The following KLHL23 variants were observed in gnomAD, a reference collection of about 807,000 sequenced individuals.
KLHL23 encodes the protein kelch like family member 23.
KLHL23 carries 33 observed loss-of-function variants against 48.9 expected under a neutral mutation model. The ratio of observed to expected loss-of-function variants is 0.67; its 90% CI spans 0.51 to 0.90. The LOEUF (loss-of-function observed/expected upper bound fraction) is 0.90, where lower values mean the gene tolerates loss of function less well. KLHL23 is among the 40% of genes least tolerant of loss of function. The probability of loss-of-function intolerance (pLI) is 0.00; values close to 1 mark genes in which losing one functional copy is unlikely to be tolerated. For missense variants in KLHL23, 608 were observed against 669.6 expected, an observed-to-expected ratio of 0.91 and a Z score of 1.02; for synonymous variants, 234 against 231.6, an observed-to-expected ratio of 1.01 and a Z score of -0.09.
Position 169,750,043 on chromosome 2 carries a change from A to ACGC in KLHL23, c.*311_*312insCGC, listed in dbSNP as rs11444477. ...TGTATGTATACATATGTGTATATAT[A>ACGC]GTATGTATGTATACATGTATGTGTA... On this transcript the variant is annotated 3_prime_UTR_variant, in exon 4 of 4. Coordinates refer to ENST00000392647, the MANE Select transcript of KLHL23 (RefSeq NM_144711.6). 16 of 21,368 alleles carry ACGC rather than the reference A, an allele frequency of 7.5e-4. 1 individual carries two copies. Among genetic ancestry groups the ACGC allele is most frequent in the Non-Finnish European group, 1.3e-3 (12 of 9,278 alleles). 1.3% of individuals were successfully genotyped at this position (21,368 alleles called of 1,614,324 possible). A position where few individuals can be genotyped will look rare whatever the true frequency, so the allele number is the denominator to read the frequency against.
chr2:169,736,481 T>G (rs1688520758), intron 2 of KLHL23, among the ~76,000 whole-genome samples: 1 of 152,220 alleles, frequency 6.6e-6, no homozygotes, highest in African/African-American at 2.4e-5. Context: ...TTTTTTCATG[T>G]TCTTAAAATT....
At chr2:169,740,594 G>A (rs891795337) in intron 2 of KLHL23, among the ~76,000 whole-genome samples, 7 of 150,184 alleles carry the variant, frequency 4.7e-5, no homozygotes, top group South Asian at 2.1e-4. Context: ...GACTACAGGC[G>A]CCCACCACCA....
chr2:169,749,067 A>G (rs959176746), intron 3 of KLHL23, among the ~76,000 whole-genome samples: 4 of 152,176 alleles, frequency 2.6e-5, no homozygotes, highest in Admixed American at 6.5e-5. Context: ...GTATCTTTCT[A>G]TAAGGATTCT....
Position 169,750,655 on chromosome 2 carries a change from C to CTG in KLHL23, c.*924_*925insGT, listed in dbSNP as rs1224541667. ...TTTATTGTTACTCTCTATTTACTGA[C>CTG]TACCAGAGATATACAAAATACTGTG... On this transcript the variant is annotated 3_prime_UTR_variant, in exon 4 of 4. Coordinates refer to ENST00000392647, the MANE Select transcript of KLHL23 (RefSeq NM_144711.6). 2 of 152,122 alleles carry CTG rather than the reference C, an allele frequency of 1.3e-5. No individual in the cohort carries two copies. Among genetic ancestry groups the CTG allele is most frequent in the Non-Finnish European group, 2.9e-5 (2 of 68,026 alleles). The allele number at this position is 152,122 out of a possible 1,614,324, so 9.4% of individuals were successfully genotyped here. A position where few individuals can be genotyped will look rare whatever the true frequency, so the allele number is the denominator to read the frequency against.
rs1353187110 is a variant in KLHL23, at chr2:169,734,951, GTTGA to G, written c.-2-59_-2-56del. On this transcript the variant is annotated intron_variant, in intron 1 of 3. Transcript: ENST00000392647. Reference sequence around the variant, plus strand: ...TCCGATGATAGTCAAGTTATTTAGCGTTGATTATTTGAGAGAATGTGCAACATTG... The same window carrying G: ...TCCGATGATAGTCAAGTTATTTAGCGTTATTTGAGAGAATGTGCAACATTG... The G allele has an allele frequency of 7.7e-5, 115 of 1,495,144 alleles. No homozygotes were observed. The African/African-American group carries it at 1.5e-3, about 19-fold the overall frequency. The allele number at this position is 1,495,144 out of a possible 1,614,324, so 92.6% of individuals were successfully genotyped here. A position where few individuals can be genotyped will look rare whatever the true frequency, so the allele number is the denominator to read the frequency against.
chr2:169,741,367 A>G lies in KLHL23; in HGVS notation c.1214-18A>G. The G allele has an allele frequency of 6.3e-7, 1 of 1,590,010 alleles. No individual in the cohort carries two copies. Among genetic ancestry groups the G allele is most frequent in the Non-Finnish European group, 8.6e-7 (1 of 1,165,444 alleles). ...AACAAAAGATCAATCTAAAGATGTG[A>G]TTTTAATTAATACGTAGGTGTGGGA... On this transcript the variant is annotated intron_variant, in intron 2 of 3. Coordinates refer to ENST00000392647, the MANE Select transcript of KLHL23 (RefSeq NM_144711.6).
intron 2 of KLHL23, among the ~76,000 whole-genome samples, 153 bp downstream of exon 2, chr2:169,736,380 G>T (rs1187634551): frequency 6.6e-6 from 1 of 152,188 alleles, no homozygotes; most frequent in African/African-American, 2.4e-5. Context: ...GATAAAAACA[G>T]TATAGCATAG....
chr2:169,740,782 ATATATATAT>A (rs1688659373), intron 2 of KLHL23, among the ~76,000 whole-genome samples: 1 of 118,326 alleles, frequency 8.5e-6, no homozygotes, highest in South Asian at 2.3e-4. Context: ...ATATATATAT[ATATATATAT>A]AACTTATTTA....
rs1023460978 is a variant in KLHL23 at position 169,735,037 on chromosome 2, ATTATAT to A, written c.28_33del (p.Ile10_Tyr11del). Reference sequence around the variant, plus strand: ...GCCATGGCTCTAAAAGGACAAGAAGATTATATTTATCTTTTCAAGGATTCAACACAT... The same window carrying A: ...GCCATGGCTCTAAAAGGACAAGAAGATTATCTTTTCAAGGATTCAACACAT... On this transcript the variant is annotated inframe_deletion, in exon 2 of 4. Coordinates refer to ENST00000392647, the MANE Select transcript of KLHL23 (RefSeq NM_144711.6). The surrounding 1 kb of genome is among the most constrained non-coding windows in gnomAD (Gnocchi z 4.5). The A allele has an allele frequency of 1.8e-5, 28 of 1,563,226 alleles. 1 individual carries two copies. The highest frequency in any genetic ancestry group is 2.1e-5 in the Admixed American group (1 of 47,744).
rs1410446361 is a variant in KLHL23 at position 169,735,592 on chromosome 2, G to A, written c.578G>A (p.Ser193Asn). Residue 193 changes from serine (S) to asparagine (N), a missense_variant, in exon 2 of 4, where the codon AGT becomes AAT. Transcript: ENST00000392647. The surrounding 1 kb of genome is among the most constrained non-coding windows in gnomAD (Gnocchi z 4.5). ...TTTATCTTGTCCAGAAAGAATCTCA[G>A]TGTTTGGAAAGAAGAAGCTATCATA... Reference protein sequence around the residue: ...FLFILSRKNLSVWKEEAIIEP... With the variant: ...FLFILSRKNLNVWKEEAIIEP... 1.2e-6 allele frequency: 2 copies of A among 1,613,814 alleles called. No individual in the cohort carries two copies. The highest frequency in any genetic ancestry group is 2.7e-5 in the African/African-American group (2 of 74,932).
At chr2:169,749,347 C>T (rs1206382083) in intron 3 of KLHL23, 75 bp from the exon 4 acceptor site, 13 of 1,402,398 alleles carry the variant, frequency 9.3e-6, no homozygotes, top group East Asian at 2.5e-5. Context: ...AGGATTATTA[C>T]ATTACCACAC....
rs148623021 is a variant in KLHL23, at chr2:169,736,223, T to G, written c.1209T>G (p.Ile403Met). The G allele has an allele frequency of 6.2e-7, 1 of 1,603,014 alleles. No individual in the cohort carries two copies. Among genetic ancestry groups the G allele is most frequent in the African/African-American group, 1.3e-5 (1 of 74,428 alleles). The change falls in exon 2 of 4, where the codon ATT (isoleucine) becomes ATG (methionine). Residue 403 changes from isoleucine to methionine, a missense_variant. Physicochemically the swap from Ile to Met is conservative, Grantham distance 10. Coordinates refer to ENST00000392647, the MANE Select transcript of KLHL23 (RefSeq NM_144711.6). ...KEKWIPIANM[I>M]KGVGNATACV... ...AATGGATTCCTATTGCAAACATGAT[T>G]AAAGGTAAGTGGAGATTATGTTTAT...
chr2:169,736,657 TCTGAGAGGGG>T (rs1244352406), intron 2 of KLHL23, among the ~76,000 whole-genome samples: 2 of 152,156 alleles, frequency 1.3e-5, no homozygotes, highest in African/African-American at 4.8e-5. Context: ...TTCAGTCCTC[TCTGAGAGGGG>T]CAGACACCAT....
intron 3 of KLHL23, 87 bp downstream of exon 3, chr2:169,741,624 A>G: frequency 6.8e-7 from 1 of 1,463,652 alleles, no homozygotes; most frequent in Non-Finnish European, 9.1e-7. Context: ...GAAATAGAAA[A>G]TGCTGATTTT....
At chr2:169,745,469 G>A (rs190845151) in intron 3 of KLHL23, among the ~76,000 whole-genome samples, 26 of 136,756 alleles carry the variant, frequency 1.9e-4, no homozygotes, top group African/African-American at 4.6e-4. Context: ...GCTGAAGATC[G>A]TGCCCCTGCA....
chr2:169,748,397 C>G (rs1169891112), intron 3 of KLHL23, among the ~76,000 whole-genome samples: 1 of 152,170 alleles, frequency 6.6e-6, no homozygotes, highest in Non-Finnish European at 1.5e-5. Flanking sequence ...ACTGACAAAT[C>G]CTCCTCTTCC....
chr2:169,741,229 C>G, intron 2 of KLHL23, 156 bp from the exon 3 acceptor site: 1 of 925,910 alleles, frequency 1.1e-6, no homozygotes, highest in Non-Finnish European at 1.5e-6. Context: ...GCACAAAGAG[C>G]CTTCCTTTTT....
chr2:169,734,272 C>G (rs909697172), intron 1 of KLHL23, among the ~76,000 whole-genome samples, 185 bp downstream of exon 1: 22 of 146,704 alleles, frequency 1.5e-4, no homozygotes, highest in Non-Finnish European at 3.0e-4. Context: ...CTGGGGCTGC[C>G]TGCGGCGTCC....
chr2:169,748,687 T>A (rs997616786), intron 3 of KLHL23, among the ~76,000 whole-genome samples: 1 of 150,974 alleles, frequency 6.6e-6, no homozygotes, highest in Admixed American at 6.6e-5. Context: ...TTGTGAGATA[T>A]GCTGGTGCTT....
Sources: gnomAD v4.1 joint callset for allele counts (sites outside exome capture counted in the v4.1 genomes callset) on GRCh38, gnomAD v4.1.1 for gene constraint, Gnocchi (gnomAD v3.1) non-coding constraint, MANE v1.5 for transcripts, NCBI Gene and HGNC (gene_info 2026-07-23, HGNC 2026-07-21) for gene names.